The following PRSS57 variants were observed in gnomAD, a reference collection of about 807,000 sequenced individuals.
PRSS57 encodes the protein serine protease 57.
In PRSS57, 19 loss-of-function variants were observed where a neutral mutation model predicts 20.6. The observed-to-expected ratio is 0.92, with a 90% CI of 0.64 to 1.35. The LOEUF is 1.35. Ranked by LOEUF, PRSS57 falls within the 40% of genes most tolerant of loss-of-function variation. PRSS57 has a pLI of 0.00. For missense variants in PRSS57, 440 were observed against 403.7 expected (o/e 1.09, Z -0.77); for synonymous variants, 203 against 176.6 (o/e 1.15, Z -1.19).
At chr19:689,219 G>A (rs1234388700) in intron 3 of PRSS57, among the ~76,000 whole-genome samples, 1 of 90,942 alleles carries the variant, frequency 1.1e-5, no homozygotes, top group Non-Finnish European at 2.3e-5. Context: ...AGCAGGTGAC[G>A]ACGGGGTGGT....
intron 2 of PRSS57, among the ~76,000 whole-genome samples, chr19:694,330 G>A (rs1220502385): frequency 6.6e-6 from 1 of 151,942 alleles, no homozygotes; most frequent in Non-Finnish European, 1.5e-5. Context: ...CACTTTGGGA[G>A]GCAGAGGCGG....
rs1190586151 is a variant in PRSS57, at chr19:694,834, G to C, written c.213C>G (p.Ala71=). The part of the protein sequence containing the change: ...FLLRARWVVS[A]AHCFSHRDLR... ...CTCACCTGTGGCTGAAGCAGTGGGCGGCCGAGACCACCCAGCGGGCTCGCA... is the reference window on the plus strand; with the variant it reads ...CTCACCTGTGGCTGAAGCAGTGGGCCGCCGAGACCACCCAGCGGGCTCGCA... Residue 71 remains alanine (A), a synonymous_variant, in exon 2 of 5, where the codon GCC becomes GCG. Transcript: ENST00000329267. 24 of 1,607,256 alleles carry C rather than the reference G, an allele frequency of 1.5e-5. No individual in the cohort carries two copies. The highest frequency in any genetic ancestry group is 2.0e-5 in the Non-Finnish European group (23 of 1,177,746).
chr19:691,009 C>A (rs2031629139), intron 3 of PRSS57: 3 of 389,060 alleles, frequency 7.7e-6, no homozygotes, highest in Non-Finnish European at 1.5e-5. Flanking sequence ...CACCCTGGGC[C>A]ACTTTGCCAA....
rs765049277 is a variant in PRSS57, at chr19:694,917, T to G, written c.130A>C (p.Arg44=). Reference sequence around the variant, plus strand: ...AAGCGCACGGATGCCATGTAGGGCCTGGAGTGGGGGGTCACCTCGTGGCCC... The same window carrying G: ...AAGCGCACGGATGCCATGTAGGGCCGGGAGTGGGGGGTCACCTCGTGGCCC... ...IGGHEVTPHS[R]PYMASVRFGG... is the part of the protein sequence containing the mutation. The change falls in exon 2 of 5, where the codon AGG becomes CGG. Residue 44 remains arginine (R), a synonymous_variant. Transcript: ENST00000329267. The G allele has an allele frequency of 6.3e-7, 1 of 1,594,438 alleles. No homozygotes were observed. Among genetic ancestry groups the G allele is most frequent in the Admixed American group, 1.7e-5 (1 of 57,512 alleles).
At chr19:688,504 A>AG (rs71174313) in intron 3 of PRSS57, among the ~76,000 whole-genome samples, 58,948 of 148,776 alleles carry the variant, frequency 0.4, 12,262 homozygotes, top group African/African-American at 0.51. Flanking sequence ...GCGTCAGGGA[A>AG]GGGGTCGTCC....
intron 3 of PRSS57, among the ~76,000 whole-genome samples, chr19:687,832 C>T (rs1418173523): frequency 6.6e-6 from 1 of 152,170 alleles, no homozygotes; most frequent in Non-Finnish European, 1.5e-5. Context: ...CTCAGCCTCC[C>T]CTTTGGCCAG....
chr19:694,575 A>G (rs116781680), intron 2 of PRSS57, among the ~76,000 whole-genome samples: 12,698 of 143,440 alleles, frequency 0.089, 1,133 homozygotes, highest in East Asian at 0.26. Flanking sequence ...AAAAAAAAAG[A>G]ACATAGTGAC....
At chr19:688,134 G>T (rs944621892) in intron 3 of PRSS57, among the ~76,000 whole-genome samples, 5 of 152,228 alleles carry the variant, frequency 3.3e-5, no homozygotes, top group Non-Finnish European at 7.3e-5. Context: ...CAGTTAATGG[G>T]CCTGGGAAGG....
At chr19:688,256 G>C (rs1231511559) in intron 3 of PRSS57, among the ~76,000 whole-genome samples, 1 of 152,114 alleles carries the variant, frequency 6.6e-6, no homozygotes, top group African/African-American at 2.4e-5. Flanking sequence ...TGGCCTCTGG[G>C]TGAACCAGCG....
chr19:690,095 G>A (rs1321034842), intron 3 of PRSS57, among the ~76,000 whole-genome samples: 6 of 149,586 alleles, frequency 4.0e-5, no homozygotes, highest in African/African-American at 1.5e-4. Flanking sequence ...GGCGGATCAC[G>A]AGGTCAAGAG....
intron 3 of PRSS57, 146 bp from the exon 4 acceptor site, chr19:687,334 T>C: frequency 1.1e-6 from 1 of 931,754 alleles, no homozygotes; most frequent in East Asian, 2.8e-5. Context: ...GCCCCGTTCC[T>C]TCTGCCAACA....
chr19:686,838 T>C (rs1440998421), intron 4 of PRSS57, 87 bp downstream of exon 4: 29 of 1,481,714 alleles, frequency 2.0e-5, no homozygotes, highest in Non-Finnish European at 2.5e-5. Flanking sequence ...TGGGACTCAG[T>C]TCCCAAGGCC....
In PRSS57 at chr19:695,379, C is replaced by T. The variant is rs369532530; in HGVS notation, c.52G>A (p.Ala18Thr). 4.4e-5 allele frequency: 57 copies of T among 1,282,410 alleles called. No homozygotes were observed. In the South Asian group the frequency reaches 1.5e-3, roughly 34 times the overall value. 79.4% of individuals were successfully genotyped at this position (1,282,410 alleles called of 1,614,324 possible). A position where few individuals can be genotyped will look rare whatever the true frequency, so the allele number is the denominator to read the frequency against. Reference protein sequence around the residue: ...WGRPLLTVATALMLPVKPPGS... With the variant: ...WGRPLLTVATTLMLPVKPPGS... Reference sequence around the variant, plus strand: ...GGGGGCTTCACGGGCAGCATCAGGGCGGTGGCCACAGTCAGCAGAGGACGT... The same window carrying T: ...GGGGGCTTCACGGGCAGCATCAGGGTGGTGGCCACAGTCAGCAGAGGACGT... The change falls in exon 1 of 5, where the codon GCC becomes ACC. Residue 18 changes from alanine to threonine, a missense_variant. Coordinates refer to ENST00000329267, the MANE Select transcript of PRSS57 (RefSeq NM_001308209.2).
At chr19:690,914 G>A in intron 3 of PRSS57, 3 of 438,050 alleles carry the variant, frequency 6.8e-6, no homozygotes, top group Non-Finnish European at 1.3e-5. Context: ...CGGGGCGCTG[G>A]CATCGTCTGG....
chr19:688,344 C>CTTTTTTTTTTT (rs370305351), intron 3 of PRSS57, among the ~76,000 whole-genome samples: 2 of 143,516 alleles, frequency 1.4e-5, no homozygotes, highest in African/African-American at 2.6e-5. Context: ...GCTCCTCCTC[C>CTTTTTTTTTTT]TTTTTTTTTT....
At chr19:690,000 C>T (rs12982209) in intron 3 of PRSS57, among the ~76,000 whole-genome samples, 28,067 of 150,690 alleles carry the variant, frequency 0.19, 2,832 homozygotes, top group African/African-American at 0.27. Context: ...TTGCAGTGAG[C>T]CCTGACTGTG....
At position 693,826 on chromosome 19, in the gene PRSS57, G is replaced by A. The variant is rs185038060; in HGVS notation, c.233+988C>T. Among the ~76,000 whole-genome samples the A allele has an allele frequency of 6.4e-3, 978 of 152,082 alleles. 3 individuals carry two copies. The highest frequency in any genetic ancestry group is 0.01 in the Non-Finnish European group (707 of 67,972). On this transcript the variant is annotated intron_variant, in intron 2 of 4. Coordinates refer to ENST00000329267, the MANE Select transcript of PRSS57 (RefSeq NM_001308209.2). ...GCGATCTCGGCTCACTGAAAGCGCC[G>A]CCTCCCGGGTTCACGCCATTCTCCT...
At position 695,399 on chromosome 19, in the gene PRSS57, G is replaced by C. The variant is rs1212546255; in HGVS notation, c.32C>G (p.Pro11Arg). The C allele has an allele frequency of 2.3e-6, 3 of 1,279,910 alleles. No homozygotes were observed. Among genetic ancestry groups the C allele is most frequent in the South Asian group, 7.2e-5 (2 of 27,666 alleles). The allele number at this position is 1,279,910 out of a possible 1,614,324, so 79.3% of individuals were successfully genotyped here. Residue 11 changes from proline (P) to arginine (R), a missense_variant, in exon 1 of 5, where the codon CCT becomes CGT. Coordinates refer to ENST00000329267, the MANE Select transcript of PRSS57 (RefSeq NM_001308209.2). ...CAGGGCGGTGGCCACAGTCAGCAGAGGACGTCCCCAGCCCCTCAACCCGAG... is the reference window on the plus strand; with the variant it reads ...CAGGGCGGTGGCCACAGTCAGCAGACGACGTCCCCAGCCCCTCAACCCGAG... MGLGLRGWGR[P>R]LLTVATALML...
intron 2 of PRSS57, among the ~76,000 whole-genome samples, chr19:692,798 TGTG>T (rs1197281614): frequency 6.6e-5 from 10 of 152,032 alleles, no homozygotes; most frequent in Admixed American, 1.3e-4. Flanking sequence ...CTGCAATAGT[TGTG>T]GTATTAATTT....
Sources: gnomAD v4.1 joint callset for allele counts (sites outside exome capture counted in the v4.1 genomes callset) on GRCh38, gnomAD v4.1.1 for gene constraint, MANE v1.5 for transcripts, NCBI Gene and HGNC (gene_info 2026-07-23, HGNC 2026-07-21) for gene names.